Variants in PBX3 observed in about 807,000 individuals in gnomAD.
PBX3 encodes PBX homeobox 3.
A neutral mutation model predicts 48.5 loss-of-function variants in PBX3; 14 were observed. That is an observed-to-expected ratio of 0.29 (90% confidence interval 0.19 to 0.45). The LOEUF is 0.45. Ranked by LOEUF, PBX3 falls within the 20% of genes least tolerant of loss-of-function variation. The pLI is 1.00. For missense variants in PBX3, 386 were observed against 546.7 expected, an observed-to-expected ratio of 0.71 and a Z score of 2.93; for synonymous variants, 210 against 200.3, an observed-to-expected ratio of 1.05 and a Z score of -0.41.
intron 8 of PBX3, among the ~76,000 whole-genome samples, chr9:125,964,227 G>A (rs763183101): frequency 1.4e-4 from 21 of 152,132 alleles, no homozygotes; most frequent in Non-Finnish European, 2.1e-4. Flanking sequence ...TGAAAAAAAA[G>A]AATGCTTGCT....
intron 2 of PBX3, among the ~76,000 whole-genome samples, chr9:125,872,891 C>G (rs570426355): frequency 6.6e-6 from 1 of 151,448 alleles, no homozygotes; most frequent in Non-Finnish European, 1.5e-5. Flanking sequence ...CAGCTTCAAA[C>G]TATAAAGCAA....
chr9:125,872,483 G>T (rs1019840775), intron 2 of PBX3, among the ~76,000 whole-genome samples: 4 of 152,176 alleles, frequency 2.6e-5, no homozygotes, highest in Non-Finnish European at 1.5e-5. Context: ...ATCAGATAAA[G>T]TAAACTTGAA....
chr9:125,827,219 C>A (rs1404376486), intron 2 of PBX3, among the ~76,000 whole-genome samples: 1 of 152,082 alleles, frequency 6.6e-6, no homozygotes, highest in Non-Finnish European at 1.5e-5. Context: ...GAAGTAAAGA[C>A]CCATGTAGGG....
intron 5 of PBX3, among the ~76,000 whole-genome samples, chr9:125,947,468 T>A (rs1484704711): frequency 6.6e-6 from 1 of 152,108 alleles, no homozygotes; most frequent in Non-Finnish European, 1.5e-5. Flanking sequence ...AATTGAATAG[T>A]TGAGAAAGTA....
At chr9:125,858,494 G>C (rs953215847) in intron 2 of PBX3, among the ~76,000 whole-genome samples, 1 of 152,072 alleles carries the variant, frequency 6.6e-6, no homozygotes, top group African/African-American at 2.4e-5. Flanking sequence ...TAATATGACT[G>C]TTTCTTAAAA....
rs530429312 is a variant in PBX3, at chr9:125,893,116, T to C, written c.275-22570T>C. On this transcript the variant is annotated intron_variant, in intron 2 of 8. Coordinates refer to ENST00000373489, the MANE Select transcript of PBX3 (RefSeq NM_006195.6). The stretch of plus-strand genomic sequence containing the variant: ...TGCAACCTACCCAATGGATAGCAGC[T>C]GTAAGCAATCCTGTAGTTCTTGTTA... 2.0e-5 allele frequency among the ~76,000 whole-genome samples: 3 copies of C among 152,370 alleles called. No individual in the cohort carries two copies. In the South Asian group the frequency reaches 6.2e-4, roughly 32 times the overall value.
intron 2 of PBX3, among the ~76,000 whole-genome samples, chr9:125,823,847 G>A (rs983869821): frequency 1.4e-4 from 21 of 152,026 alleles, no homozygotes; most frequent in African/African-American, 4.8e-4. Flanking sequence ...AGGCTGAGGT[G>A]GGTGAATGAC....
At chr9:125,818,513 A>AT (rs574766998) in intron 2 of PBX3, among the ~76,000 whole-genome samples, 34 of 151,058 alleles carry the variant, frequency 2.3e-4, no homozygotes, top group Middle Eastern at 3.4e-3. Context: ...TTTTATTTTA[A>AT]TTTTTTTTGT....
intron 2 of PBX3, among the ~76,000 whole-genome samples, chr9:125,766,379 C>G (rs998346061): frequency 1.3e-5 from 2 of 152,000 alleles, no homozygotes; most frequent in African/African-American, 4.8e-5. Flanking sequence ...CCATTGCTAT[C>G]ATTAATGATA....
chr9:125,878,818 G>T (rs12347338), intron 2 of PBX3, among the ~76,000 whole-genome samples: 10,192 of 152,212 alleles, frequency 0.067, 1,057 homozygotes, highest in African/African-American at 0.23. Flanking sequence ...TTAAAAAGTT[G>T]TACAAAGTCG....
chr9:125,946,497 A>C (rs1239975333), intron 5 of PBX3, among the ~76,000 whole-genome samples: 16 of 152,168 alleles, frequency 1.1e-4, no homozygotes, highest in Non-Finnish European at 2.4e-4. Flanking sequence ...TAATGGGGGA[A>C]AGACAAACTG....
chr9:125,819,566 C>T (rs1325027504), intron 2 of PBX3, among the ~76,000 whole-genome samples: 1 of 152,096 alleles, frequency 6.6e-6, no homozygotes, highest in African/African-American at 2.4e-5. Flanking sequence ...TATAATAGAT[C>T]AGCTGAACTA....
At chr9:125,959,234 C>T (rs1295324300) in intron 5 of PBX3, among the ~76,000 whole-genome samples, 1 of 152,206 alleles carries the variant, frequency 6.6e-6, no homozygotes, top group Non-Finnish European at 1.5e-5. Flanking sequence ...TACATACAGT[C>T]TTCTAGGGGG....
At chr9:125,749,389 C>T (rs1010169834) in intron 2 of PBX3, 2 of 152,118 alleles carry the variant, frequency 1.3e-5, no homozygotes, top group Non-Finnish European at 2.9e-5. Context: ...GTTTAACTTT[C>T]TTGTCAGACT....
chr9:125,842,833 T>A (rs1351427144), intron 2 of PBX3, among the ~76,000 whole-genome samples: 2 of 152,162 alleles, frequency 1.3e-5, no homozygotes, highest in Non-Finnish European at 2.9e-5. Flanking sequence ...TGTTTACTTG[T>A]TTTACTTACA....
chr9:125,789,140 A>G (rs1588147192), intron 2 of PBX3, among the ~76,000 whole-genome samples: 1 of 152,064 alleles, frequency 6.6e-6, no homozygotes, highest in Non-Finnish European at 1.5e-5. Flanking sequence ...TTCTATTGTG[A>G]TTATTCTGTA....
At position 125,761,970 on chromosome 9, in the gene PBX3, T is replaced by G. The variant is rs74986226; in HGVS notation, c.274+13347T>G. 3.3e-3 allele frequency among the ~76,000 whole-genome samples: 501 copies of G among 152,320 alleles called. 3 individuals carry two copies. The highest frequency in any genetic ancestry group is 0.012 in the African/African-American group (482 of 41,576). ...GGGAAATGGATACTTGAAGTTCATT[T>G]TCTTCCTCATATTAAGGCAAAAATG... On this transcript the variant is annotated intron_variant, in intron 2 of 8. Transcript: ENST00000373489.
chr9:125,760,051 C>T (rs1186940274), intron 2 of PBX3, among the ~76,000 whole-genome samples: 1 of 152,184 alleles, frequency 6.6e-6, no homozygotes, highest in Non-Finnish European at 1.5e-5. Flanking sequence ...ATTTACAAAT[C>T]TGCTTTATTT....
Position 125,748,624 on chromosome 9 carries a change from G to T in PBX3, c.274+1G>T. On this transcript the variant is annotated splice_donor_variant, in intron 2 of 8. Coordinates refer to ENST00000373489, the MANE Select transcript of PBX3 (RefSeq NM_006195.6). LOFTEE classifies it high-confidence loss of function. ...CTGTGTGAGATCAAAGAGAAAACAG[G>T]TAAGACGCTGCGCCCCGCAGTGGGC... is the stretch of plus-strand genomic sequence containing the variant. 1 of 1,612,618 alleles carries T rather than the reference G, an allele frequency of 6.2e-7. No homozygotes were observed. Among genetic ancestry groups the T allele is most frequent in the Non-Finnish European group, 8.5e-7 (1 of 1,179,402 alleles).
Sources: allele counts gnomAD v4.1 joint callset (sites outside exome capture counted in the v4.1 genomes callset), GRCh38; gene constraint gnomAD v4.1.1; transcripts MANE v1.5; gene names NCBI Gene and HGNC (gene_info 2026-07-23, HGNC 2026-07-21).